Variants in GALNT18 observed in about 807,000 individuals in gnomAD.
The protein encoded by GALNT18 is GalNAc-transferase 18.
GALNT18 carries 44 observed loss-of-function variants against 69.5 expected under a neutral mutation model. The ratio of observed to expected loss-of-function variants is 0.63; its 90% CI spans 0.50 to 0.81. The LOEUF is 0.81. GALNT18 is among the 40% of genes least tolerant of loss of function. The probability of loss-of-function intolerance (pLI) is 0.00; values close to 1 mark genes in which losing one functional copy is unlikely to be tolerated. For missense variants in GALNT18, 715 were observed against 810.0 expected (o/e 0.88, Z 1.42); for synonymous variants, 364 against 318.2 (o/e 1.14, Z -1.53).
chr11:11,401,317 A>G (rs181797621), intron 3 of GALNT18, among the ~76,000 whole-genome samples: 1 of 152,162 alleles, frequency 6.6e-6, no homozygotes, highest in African/African-American at 2.4e-5. Flanking sequence ...CAACACACAA[A>G]CTCATGATCA....
rs1309099149 is a variant in GALNT18 at position 11,543,144 on chromosome 11, C to A, written c.235+78215G>T. ...TTAAGAAGCCGATGCCTTCTCTGGT[C>A]TTTCTACCTCTGCCACTTAGGGAGT... On this transcript the variant is annotated intron_variant, in intron 1 of 10. Coordinates refer to ENST00000227756, the MANE Select transcript of GALNT18 (RefSeq NM_198516.3). This position sits in a 1 kb window ranked among gnomAD's most constrained non-coding sequence, Gnocchi z 5.1. Among the ~76,000 whole-genome samples the A allele has an allele frequency of 2.0e-5, 3 of 152,232 alleles. No individual in the cohort carries two copies. Among genetic ancestry groups the A allele is most frequent in the African/African-American group, 7.2e-5 (3 of 41,458 alleles).
intron 3 of GALNT18, among the ~76,000 whole-genome samples, chr11:11,420,813 A>T (rs981376287): frequency 6.6e-6 from 1 of 152,192 alleles, no homozygotes; most frequent in South Asian, 2.1e-4. Flanking sequence ...AGGGCCCCTC[A>T]GAGGGCAGGA....
chr11:11,539,233 C>G (rs2133952540), intron 1 of GALNT18, among the ~76,000 whole-genome samples: 1 of 152,324 alleles, frequency 6.6e-6, no homozygotes, highest in East Asian at 1.9e-4. Flanking sequence ...CTTCCCAGCA[C>G]CCACACCTCT....
chr11:11,586,026 G>C lies in GALNT18; in HGVS notation c.235+35333C>G, dbSNP rs956145284. ...CTTTCTTATCTCTTCCACCATGTTA[G>C]GATGGAACAAGAACGTGGTGGTCTG... On this transcript the variant is annotated intron_variant, in intron 1 of 10. Coordinates refer to ENST00000227756, the MANE Select transcript of GALNT18 (RefSeq NM_198516.3). This position sits in a 1 kb window ranked among gnomAD's most constrained non-coding sequence, Gnocchi z 4.1. 6.6e-6 allele frequency among the ~76,000 whole-genome samples: 1 copy of C among 152,120 alleles called. No homozygotes were observed. The highest frequency in any genetic ancestry group is 6.5e-5 in the Admixed American group (1 of 15,278).
chr11:11,307,771 G>A (rs2133024920), intron 9 of GALNT18, among the ~76,000 whole-genome samples: 1 of 152,218 alleles, frequency 6.6e-6, no homozygotes, highest in South Asian at 2.1e-4. Context: ...ACTACTCCCA[G>A]CCCTCTTTTC....
chr11:11,293,792 G>T (rs537849042), intron 9 of GALNT18, among the ~76,000 whole-genome samples: 1 of 152,146 alleles, frequency 6.6e-6, no homozygotes, highest in South Asian at 2.1e-4. Flanking sequence ...TGCCTGCCTT[G>T]AATCCATTAT....
At chr11:11,524,400 G>A (rs984705896) in intron 1 of GALNT18, among the ~76,000 whole-genome samples, 4 of 152,194 alleles carry the variant, frequency 2.6e-5, no homozygotes, top group Admixed American at 6.5e-5. Flanking sequence ...TTGCCTTGCA[G>A]TATCCCTCCA....
In GALNT18 at chr11:11,503,298, C is replaced by A. The variant is rs76533913; in HGVS notation, c.236-54362G>T. Among the ~76,000 whole-genome samples the A allele has an allele frequency of 6.4e-3, 979 of 152,296 alleles. 14 individuals are homozygous for A. The highest frequency in any genetic ancestry group is 0.019 in the African/African-American group (785 of 41,556). On this transcript the variant is annotated intron_variant, in intron 1 of 10. Transcript: ENST00000227756. Reference sequence around the variant, plus strand: ...TGGTCTTGGATACATTATTTCACTTCTCTGAGCCTGTTTCCTCAGGGTTAA... The same window carrying A: ...TGGTCTTGGATACATTATTTCACTTATCTGAGCCTGTTTCCTCAGGGTTAA...
At chr11:11,385,390 G>C (rs1214484003) in intron 3 of GALNT18, among the ~76,000 whole-genome samples, 1 of 151,886 alleles carries the variant, frequency 6.6e-6, no homozygotes, top group Non-Finnish European at 1.5e-5. Context: ...CCGCCTCCCG[G>C]GTTCATGCCA....
chr11:11,351,641 G>A (rs180975046), intron 6 of GALNT18, among the ~76,000 whole-genome samples: 4 of 152,216 alleles, frequency 2.6e-5, no homozygotes, highest in East Asian at 3.9e-4. Context: ...TGACACCTGC[G>A]CTATCTACTG....
chr11:11,306,430 T>C (rs987633096), intron 9 of GALNT18, among the ~76,000 whole-genome samples: 4 of 152,132 alleles, frequency 2.6e-5, no homozygotes, highest in Non-Finnish European at 2.9e-5. Flanking sequence ...AAAATAATGG[T>C]GGCTGATTTT....
rs1047508083 is a variant in GALNT18, at chr11:11,608,680, C to G, written c.235+12679G>C. Among the ~76,000 whole-genome samples the G allele has an allele frequency of 1.6e-4, 25 of 152,216 alleles. No homozygotes were observed. The East Asian group carries it at 4.8e-3, about 29-fold the overall frequency. On this transcript the variant is annotated intron_variant, in intron 1 of 10. Transcript: ENST00000227756. ...CTGGCCGATTGTCTTCATTTCTATG[C>G]TTGGGGAAACTGAGGCCCTGCAAGT...
rs79457457 is a variant in GALNT18 at position 11,463,225 on chromosome 11, C to G, written c.236-14289G>C. Among the ~76,000 whole-genome samples the G allele has an allele frequency of 0.017, 1,118 of 64,580 alleles. 7 individuals are homozygous for G. The highest frequency in any genetic ancestry group is 0.06 in the Middle Eastern group (6 of 100). 42.4% of individuals were successfully genotyped at this position (64,580 alleles called of 152,430 possible). On this transcript the variant is annotated intron_variant, in intron 1 of 10. Coordinates refer to ENST00000227756, the MANE Select transcript of GALNT18 (RefSeq NM_198516.3). This position sits in a 1 kb window ranked among gnomAD's most constrained non-coding sequence, Gnocchi z 4.2. Reference sequence around the variant, plus strand: ...AGACAGACAGACACACACACACACACAGAGAGAGAGAGAGAGAGTTCCAGA... The same window carrying G: ...AGACAGACAGACACACACACACACAGAGAGAGAGAGAGAGAGAGTTCCAGA...
At chr11:11,351,936 T>A in intron 6 of GALNT18, 1 of 1,567,742 alleles carries the variant, frequency 6.4e-7, no homozygotes, top group Non-Finnish European at 8.7e-7. Flanking sequence ...AGGAGACAGA[T>A]AGGGCCGTTA....
rs879073427 is a variant in GALNT18 at position 11,421,202 on chromosome 11, G to A, written c.595+11419C>T. On this transcript the variant is annotated intron_variant, in intron 3 of 10. Coordinates refer to ENST00000227756, the MANE Select transcript of GALNT18 (RefSeq NM_198516.3). The surrounding 1 kb of genome is among the most constrained non-coding windows in gnomAD (Gnocchi z 5.6). ...ACTGCCAGGCTCAGGCAGCTTCAGC[G>A]GTGCAGCATGTTGGGACCTCAGCAG... Among the ~76,000 whole-genome samples, 4 of 139,198 alleles carry A rather than the reference G, an allele frequency of 2.9e-5. No homozygotes were observed. Among genetic ancestry groups the A allele is most frequent in the Non-Finnish European group, 6.1e-5 (4 of 65,902 alleles). 91.3% of individuals were successfully genotyped at this position (139,198 alleles called of 152,430 possible).
rs573232101 is a variant in GALNT18, at chr11:11,409,680, A to T, written c.595+22941T>A. Reference sequence around the variant, plus strand: ...TCTGATCTCAGCCCTTTCTAAAGACAGTCATTGTGCCCTGCATTTTATTCA... The same window carrying T: ...TCTGATCTCAGCCCTTTCTAAAGACTGTCATTGTGCCCTGCATTTTATTCA... On this transcript the variant is annotated intron_variant, in intron 3 of 10. Coordinates refer to ENST00000227756, the MANE Select transcript of GALNT18 (RefSeq NM_198516.3). Among the ~76,000 whole-genome samples the T allele has an allele frequency of 2.0e-5, 3 of 151,348 alleles. No individual in the cohort carries two copies. In the East Asian group the frequency reaches 5.9e-4, roughly 30 times the overall value.
In GALNT18 at chr11:11,372,843, C is replaced by A. The variant is rs1198997108; in HGVS notation, c.978-214G>T. Among the ~76,000 whole-genome samples, 1 of 152,210 alleles carries A rather than the reference C, an allele frequency of 6.6e-6. No individual in the cohort carries two copies. Among genetic ancestry groups the A allele is most frequent in the East Asian group, 1.9e-4 (1 of 5,192 alleles). ...CGGGCAGTGGGTAGACAGCTGCCAT[C>A]CTGGGATCAGCTATTAGTGGGGTGG... On this transcript the variant is annotated intron_variant, in intron 5 of 10. Transcript: ENST00000227756. This position sits in a 1 kb window ranked among gnomAD's most constrained non-coding sequence, Gnocchi z 4.9.
At chr11:11,418,849 A>G (rs1323456078) in intron 3 of GALNT18, among the ~76,000 whole-genome samples, 1 of 152,150 alleles carries the variant, frequency 6.6e-6, no homozygotes, top group Admixed American at 6.5e-5. Flanking sequence ...AAACTCACTT[A>G]ACTTCTCTGG....
At chr11:11,342,161 C>T (rs1850220071) in intron 6 of GALNT18, among the ~76,000 whole-genome samples, 2 of 152,146 alleles carry the variant, frequency 1.3e-5, no homozygotes, top group Non-Finnish European at 2.9e-5. Context: ...CTCACTCACT[C>T]ACCTAACAAA....
Sources: allele counts gnomAD v4.1 joint callset (sites outside exome capture counted in the v4.1 genomes callset), GRCh38; gene constraint gnomAD v4.1.1; non-coding constraint Gnocchi (gnomAD v3.1); transcripts MANE v1.5; gene names NCBI Gene and HGNC (gene_info 2026-07-23, HGNC 2026-07-21).